Variants in PEX5L observed in about 807,000 individuals in gnomAD.
The protein encoded by PEX5L is peroxisomal biogenesis factor 5 like.
PEX5L carries 30 observed loss-of-function variants against 84.0 expected under a neutral mutation model. That is an observed-to-expected ratio of 0.36 (90% CI 0.27 to 0.48). The LOEUF (loss-of-function observed/expected upper bound fraction) is 0.48, where lower values mean the gene tolerates loss of function less well. PEX5L is among the 20% of genes least tolerant of loss of function. The pLI is 0.99. For missense variants in PEX5L, 533 were observed against 754.6 expected, an observed-to-expected ratio of 0.71 and a Z score of 3.44; for synonymous variants, 270 against 283.1, an observed-to-expected ratio of 0.95 and a Z score of 0.46.
intron 4 of PEX5L, among the ~76,000 whole-genome samples, chr3:179,881,768 C>G (rs1392238325): frequency 6.6e-6 from 1 of 152,126 alleles, no homozygotes; most frequent in Non-Finnish European, 1.5e-5. Context: ...GATATTGGTT[C>G]TACAGAGGAT....
chr3:179,986,179 T>TAA (rs1428250011), intron 1 of PEX5L, among the ~76,000 whole-genome samples: 1 of 131,454 alleles, frequency 7.6e-6, no homozygotes, highest in African/African-American at 3.1e-5. Flanking sequence ...TATATATATA[T>TAA]ATAACTTTAT....
chr3:179,931,228 T>C (rs187739015), intron 2 of PEX5L, among the ~76,000 whole-genome samples: 147 of 152,372 alleles, frequency 9.6e-4, no homozygotes, highest in Non-Finnish European at 1.7e-3. Flanking sequence ...GTGCCAGTAT[T>C]GGGACCTCTG....
At chr3:179,926,789 T>C (rs1393391770) in intron 2 of PEX5L, among the ~76,000 whole-genome samples, 1 of 152,218 alleles carries the variant, frequency 6.6e-6, no homozygotes, top group East Asian at 1.9e-4. Flanking sequence ...GTGAAATGAA[T>C]GAGTAGATAC....
chr3:179,818,481 A>G (rs912942723), intron 9 of PEX5L, among the ~76,000 whole-genome samples: 1 of 152,178 alleles, frequency 6.6e-6, no homozygotes. Flanking sequence ...TTTAAAAGGT[A>G]CAATAAATTA....
chr3:179,945,573 T>C (rs1230964023), intron 2 of PEX5L, among the ~76,000 whole-genome samples: 2 of 152,168 alleles, frequency 1.3e-5, no homozygotes, highest in African/African-American at 2.4e-5. Context: ...GCAGTCTCCA[T>C]GGGAGGTTTT....
intron 8 of PEX5L, among the ~76,000 whole-genome samples, chr3:179,839,392 C>T (rs1376998942): frequency 6.6e-6 from 1 of 152,134 alleles, no homozygotes; most frequent in African/African-American, 2.4e-5. Context: ...TGAGTTGAGA[C>T]CCACTTCGCA....
intron 2 of PEX5L, 75 bp from the exon 3 acceptor site, chr3:179,898,321 G>A: frequency 2.8e-6 from 3 of 1,053,746 alleles, no homozygotes; most frequent in Non-Finnish European, 4.2e-6. Flanking sequence ...ATATTCTAAT[G>A]TTTAAAGAGC....
intron 1 of PEX5L, among the ~76,000 whole-genome samples, chr3:179,976,888 A>T (rs529935415): frequency 2.0e-5 from 3 of 152,344 alleles, no homozygotes; most frequent in African/African-American, 4.8e-5. Context: ...TTCATGAAGA[A>T]GGAACTAGAA....
chr3:179,931,846 A>G (rs1773202635), intron 2 of PEX5L, among the ~76,000 whole-genome samples: 1 of 152,166 alleles, frequency 6.6e-6, no homozygotes, highest in Non-Finnish European at 1.5e-5. Context: ...ACAAGTTATC[A>G]ATTTTTGTCT....
chr3:180,032,014 A>G (rs1377063645), intron 1 of PEX5L, among the ~76,000 whole-genome samples: 1 of 152,246 alleles, frequency 6.6e-6, no homozygotes, highest in African/African-American at 2.4e-5. Context: ...AAGTATATAA[A>G]CTATTGGCCA....
intron 1 of PEX5L, among the ~76,000 whole-genome samples, chr3:179,977,913 G>GA (rs1485600584): frequency 6.6e-6 from 1 of 152,048 alleles, no homozygotes; most frequent in African/African-American, 2.4e-5. Flanking sequence ...AAAAGAGAGT[G>GA]GCCACACAGT....
At chr3:179,991,349 T>C (rs1375020140) in intron 1 of PEX5L, among the ~76,000 whole-genome samples, 2 of 152,222 alleles carry the variant, frequency 1.3e-5, no homozygotes, top group Non-Finnish European at 1.5e-5. Flanking sequence ...CTATATCTAC[T>C]GCAGACTCAT....
chr3:179,823,741 T>A (rs112498114), intron 8 of PEX5L, among the ~76,000 whole-genome samples: 1,917 of 152,320 alleles, frequency 0.013, 35 homozygotes, highest in African/African-American at 0.036. Flanking sequence ...GATGTGTGCT[T>A]GAATTTGAGC....
chr3:179,813,237 G>T (rs1724582299), intron 10 of PEX5L, among the ~76,000 whole-genome samples: 1 of 151,938 alleles, frequency 6.6e-6, no homozygotes, highest in South Asian at 2.1e-4. Context: ...TAACTTTGAG[G>T]TCTCCATAGG....
At chr3:179,964,041 A>C (rs1294863699) in intron 2 of PEX5L, among the ~76,000 whole-genome samples, 2 of 152,130 alleles carry the variant, frequency 1.3e-5, no homozygotes, top group African/African-American at 4.8e-5. Flanking sequence ...TATGCTGTGC[A>C]GATTATTTCA....
At position 179,918,902 on chromosome 3, in the gene PEX5L, G is replaced by C. The variant is rs116813614; in HGVS notation, c.94-20656C>G. Among the ~76,000 whole-genome samples the C allele has an allele frequency of 8.8e-3, 1,340 of 152,222 alleles. 21 individuals carry two copies. Among genetic ancestry groups the C allele is most frequent in the African/African-American group, 0.031 (1,297 of 41,510 alleles). Reference sequence around the variant, plus strand: ...CAGACAGCAGAGAATAAAAGAAAAGGGTTCTTACGGAATGAAAAGATAAGA... The same window carrying C: ...CAGACAGCAGAGAATAAAAGAAAAGCGTTCTTACGGAATGAAAAGATAAGA... On this transcript the variant is annotated intron_variant, in intron 2 of 14. Coordinates refer to ENST00000467460, the MANE Select transcript of PEX5L (RefSeq NM_016559.3).
chr3:179,827,229 C>A (rs1319468801), intron 8 of PEX5L, among the ~76,000 whole-genome samples: 1 of 152,142 alleles, frequency 6.6e-6, no homozygotes, highest in African/African-American at 2.4e-5. Context: ...AATACCCGGG[C>A]GTGACTTTTG....
At chr3:179,977,284 TATG>T (rs1054677305) in intron 1 of PEX5L, among the ~76,000 whole-genome samples, 2 of 152,210 alleles carry the variant, frequency 1.3e-5, no homozygotes, top group Non-Finnish European at 2.9e-5. Context: ...ACCCTTCCTT[TATG>T]ATGTTCCTGG....
rs1039397093 is a variant in PEX5L, at chr3:179,916,922, G to A, written c.94-18676C>T. ...TGACCTCAGGTGATCCACCCGCCTC[G>A]GCCTCCTAAAGTGCTGGGATTACAG... On this transcript the variant is annotated intron_variant, in intron 2 of 14. Coordinates refer to ENST00000467460, the MANE Select transcript of PEX5L (RefSeq NM_016559.3). Among the ~76,000 whole-genome samples the A allele has an allele frequency of 4.0e-5, 6 of 151,602 alleles. No homozygotes were observed. In the East Asian group the frequency reaches 1.2e-3, roughly 29 times the overall value.
Sources: gnomAD v4.1 joint callset for allele counts (sites outside exome capture counted in the v4.1 genomes callset) on GRCh38, gnomAD v4.1.1 for gene constraint, MANE v1.5 for transcripts, NCBI Gene and HGNC (gene_info 2026-07-23, HGNC 2026-07-21) for gene names.